The following SAA2 variants were observed in gnomAD, a reference collection of about 807,000 sequenced individuals.
SAA2 encodes serum amyloid A-2 protein.
Under a neutral mutation model 9.1 loss-of-function variants are expected in SAA2, and 5 were observed. The observed-to-expected ratio is 0.55, with a 90% confidence interval of 0.29 to 1.16. The LOEUF (loss-of-function observed/expected upper bound fraction) is 1.16. Among genes scored for constraint, SAA2 ranks in the 50% most tolerant of loss-of-function variants. The pLI is 0.09. For synonymous variants in SAA2, 49 were observed against 59.8 expected (o/e 0.82, Z 0.83); for missense variants, 94 against 153.8 (o/e 0.61, Z 2.06).
Position 18,246,137 on chromosome 11 carries a change from T to C in SAA2, c.92-89A>G, listed in dbSNP as rs1857525812. The C allele has an allele frequency of 3.3e-5, 49 of 1,488,450 alleles. 3 individuals carry two copies. In the South Asian group the frequency reaches 4.9e-4, roughly 15 times the overall value. The allele number at this position is 1,488,450 out of a possible 1,614,324, so 92.2% of individuals were successfully genotyped here. On this transcript the variant is annotated intron_variant, in intron 2 of 3. Coordinates refer to ENST00000256733, the MANE Select transcript of SAA2 (RefSeq NM_030754.5). ...GAGGGGAATGAAAGAAGGACAAATCTTCCACTGACTTCAAGCTTTCAGCCT... is the reference window on the plus strand; with the variant it reads ...GAGGGGAATGAAAGAAGGACAAATCCTCCACTGACTTCAAGCTTTCAGCCT...
intron 3 of SAA2, 109 bp from the exon 4 acceptor site, chr11:18,245,624 GC>G: frequency 6.8e-7 from 1 of 1,464,200 alleles, no homozygotes; most frequent in Non-Finnish European, 9.3e-7. Context: ...GCCCAGAAAG[GC>G]CAAGGAAGGA....
exon 4 of SAA2, chr11:18,239,508 T>C: frequency 2.5e-6 from 1 of 393,282 alleles, no homozygotes; most frequent in Non-Finnish European, 4.5e-6. Flanking sequence ...TTCTCTCTTA[T>C]CACTGCTCCA....
downstream of SAA2, chr11:18,242,122 C>T (rs1415631780): frequency 6.6e-6 from 1 of 152,030 alleles, no homozygotes. Context: ...AGACACAGGA[C>T]AAATAATTTA....
At chr11:18,245,769 T>G in intron 3 of SAA2, 141 bp downstream of exon 3, 2 of 1,457,004 alleles carry the variant, frequency 1.4e-6, no homozygotes, top group African/African-American at 2.8e-5. Context: ...ACCCTCACAC[T>G]GAGCACAGAG....
chr11:18,245,364 G>C lies in SAA2; in HGVS notation c.*13C>G. ...CATAGCCAGGTCTCCTGAGAGCAGAGTGAAGAGGAAGCTCAGTATTTCTCA... is the reference window on the plus strand; with the variant it reads ...CATAGCCAGGTCTCCTGAGAGCAGACTGAAGAGGAAGCTCAGTATTTCTCA... On this transcript the variant is annotated 3_prime_UTR_variant, in exon 4 of 4. Coordinates refer to ENST00000256733, the MANE Select transcript of SAA2 (RefSeq NM_030754.5). The C allele has an allele frequency of 6.2e-7, 1 of 1,614,084 alleles. No individual in the cohort carries two copies. The highest frequency in any genetic ancestry group is 8.5e-7 in the Non-Finnish European group (1 of 1,180,014).
At chr11:18,246,610 C>T (rs1438266244) in intron 2 of SAA2, among the ~76,000 whole-genome samples, 1 of 152,214 alleles carries the variant, frequency 6.6e-6, no homozygotes, top group African/African-American at 2.4e-5. Context: ...TAACTCACTA[C>T]AACTTCCGCT....
chr11:18,242,798 G>T, downstream of SAA2: 2 of 702,012 alleles, frequency 2.8e-6, no homozygotes, highest in South Asian at 3.0e-5. Flanking sequence ...AGTGAGCCAT[G>T]ATCATGCCAT....
At chr11:18,245,719 G>T (rs879130986) in intron 3 of SAA2, among the ~76,000 whole-genome samples, 191 bp downstream of exon 3, 1 of 152,288 alleles carries the variant, frequency 6.6e-6, no homozygotes. Flanking sequence ...GCACCCAGAG[G>T]GGGAGGGGGA....
Position 18,247,974 on chromosome 11 carries a change from A to T in SAA2, c.38T>A (p.Val13Asp), listed in dbSNP as rs1857645784. ...LLTGLVFCSL[V>D]LSVSSRSFFS... ...GAAGCTTCGGCTGCTGACACTCAGGACCAAGGAGCAGAAAACCAGGCCCGT... is the reference window on the plus strand; with the variant it reads ...GAAGCTTCGGCTGCTGACACTCAGGTCCAAGGAGCAGAAAACCAGGCCCGT... The change falls in exon 2 of 4, where the codon GTC becomes GAC. Residue 13 changes from valine (V) to aspartate (D), a missense_variant. Physicochemically the swap from Val to Asp is radical, Grantham distance 152 (BLOSUM62 -3). This residue lies in a region of SAA2 where 32 missense variants were observed against 95.5 expected (regional missense o/e 0.34). Transcript: ENST00000256733. 6.2e-7 allele frequency: 1 copy of T among 1,613,478 alleles called. No individual in the cohort carries two copies. The highest frequency in any genetic ancestry group is 1.7e-5 in the Admixed American group (1 of 59,958).
chr11:18,245,242 C>T lies in SAA2; in HGVS notation c.*135G>A. 1 of 1,476,792 alleles carries T rather than the reference C, an allele frequency of 6.8e-7. No homozygotes were observed. The highest frequency in any genetic ancestry group is 9.0e-7 in the Non-Finnish European group (1 of 1,112,986). 91.5% of individuals were successfully genotyped at this position (1,476,792 alleles called of 1,614,324 possible). A position where few individuals can be genotyped will look rare whatever the true frequency, so the allele number is the denominator to read the frequency against. ...GAAGAACACACTGTTTCAACAAATT[C>T]CACCTCTTAAGCATTTATTAGATGC... On this transcript the variant is annotated 3_prime_UTR_variant, in exon 4 of 4. Coordinates refer to ENST00000256733, the MANE Select transcript of SAA2 (RefSeq NM_030754.5).
downstream of SAA2, among the ~76,000 whole-genome samples, chr11:18,244,538 G>A (rs7118725): frequency 6.6e-3 from 1,009 of 152,268 alleles, 12 homozygotes; most frequent in African/African-American, 0.023. Context: ...AGAAGTTAAT[G>A]CTGCTCTCAG....
At chr11:18,240,253 C>T (rs1857307942), downstream of SAA2, 1 of 703,088 alleles carries the variant, frequency 1.4e-6, no homozygotes, top group South Asian at 1.5e-5. Flanking sequence ...TGAAAAAGTC[C>T]ATCCAGTTGT....
chr11:18,240,503 G>A (rs982399556), downstream of SAA2, among the ~76,000 whole-genome samples: 1 of 152,108 alleles, frequency 6.6e-6, no homozygotes. Flanking sequence ...TTTAATAAAT[G>A]TTGATGGTAC....
chr11:18,241,592 C>A (rs985060705), downstream of SAA2, among the ~76,000 whole-genome samples: 4 of 152,108 alleles, frequency 2.6e-5, no homozygotes, highest in African/African-American at 9.7e-5. Flanking sequence ...AGAATGAAAT[C>A]GTATCTTTTG....
chr11:18,244,023 G>A (rs1857425031), downstream of SAA2, among the ~76,000 whole-genome samples: 1 of 152,196 alleles, frequency 6.6e-6, no homozygotes, highest in African/African-American at 2.4e-5. Flanking sequence ...AGCTCCTGCA[G>A]TACTCTTCTC....
chr11:18,246,134 A>C, intron 2 of SAA2, 86 bp from the exon 3 acceptor site: 1 of 1,493,064 alleles, frequency 6.7e-7, no homozygotes, highest in Non-Finnish European at 9.1e-7. Flanking sequence ...AGAAGGACAA[A>C]TCTTCCACTG....
intron 2 of SAA2, among the ~76,000 whole-genome samples, chr11:18,247,260 AGGAAG>A (rs1857591667): frequency 6.6e-6 from 1 of 151,864 alleles, no homozygotes; most frequent in Non-Finnish European, 1.5e-5. Flanking sequence ...AGAACAAACC[AGGAAG>A]GGAGCCCCTG....
downstream of SAA2, among the ~76,000 whole-genome samples, chr11:18,244,399 A>G (rs114624282): frequency 3.6e-3 from 545 of 152,282 alleles, 5 homozygotes; most frequent in African/African-American, 0.012. Flanking sequence ...GCCAAGTTTC[A>G]TTAATACCTC....
At chr11:18,246,691 C>T (rs973830588) in intron 2 of SAA2, among the ~76,000 whole-genome samples, 3 of 152,168 alleles carry the variant, frequency 2.0e-5, no homozygotes, top group Non-Finnish European at 2.9e-5. Flanking sequence ...GCCACCACGC[C>T]TGGCTACATT....
Sources: gnomAD v4.1 joint callset for allele counts (sites outside exome capture counted in the v4.1 genomes callset) on GRCh38, gnomAD v4.1.1 for gene constraint, gnomAD v4.1.1 regional missense constraint, MANE v1.5 for transcripts, NCBI Gene and HGNC (gene_info 2026-07-23, HGNC 2026-07-21) for gene names.